SIRT4: variants seen among roughly 807,000 people sequenced by gnomAD.
The protein encoded by SIRT4 is sirtuin 4, also known as NAD-dependent protein lipoamidase sirtuin-4, mitochondrial.
A neutral mutation model predicts 26.1 loss-of-function variants in SIRT4; 23 were observed. The observed-to-expected ratio is 0.88, with a 90% CI of 0.63 to 1.25. SIRT4 has a LOEUF of 1.25. Among genes scored for constraint, SIRT4 ranks in the 50% most tolerant of loss-of-function variants. The probability of loss-of-function intolerance (pLI) is 0.00; values close to 1 mark genes in which losing one functional copy is unlikely to be tolerated. For synonymous variants in SIRT4, 155 were observed against 158.4 expected (o/e 0.98, Z 0.16); for missense variants, 361 against 405.4 (o/e 0.89, Z 0.94).
chr12:120,292,049 T>C, the SIRT4 span: 1 of 152,188 alleles, frequency 6.6e-6, no homozygotes, highest in Non-Finnish European at 1.5e-5. Flanking sequence ...AGGTTTCTTG[T>C]TGTTGGAACA....
chr12:120,305,577 T>C (rs570454225), intron 2 of SIRT4, among the ~76,000 whole-genome samples: 2 of 152,194 alleles, frequency 1.3e-5, no homozygotes, highest in South Asian at 4.1e-4. Flanking sequence ...CTAGGGTATT[T>C]ATTCACCATC....
Position 120,308,958 on chromosome 12 carries a change from T to C in SIRT4, c.498-3498T>C, listed in dbSNP as rs373362118. Among the ~76,000 whole-genome samples the C allele has an allele frequency of 2.1e-3, 322 of 152,018 alleles. 2 individuals are homozygous for C. Among genetic ancestry groups the C allele is most frequent in the Non-Finnish European group, 3.3e-3 (225 of 67,976 alleles). ...GCCGAAGCGGGTGGATAACCTGAGGTCGGGAGTCAAGACCAGCCTGACCAA... is the reference window on the plus strand; with the variant it reads ...GCCGAAGCGGGTGGATAACCTGAGGCCGGGAGTCAAGACCAGCCTGACCAA... On this transcript the variant is annotated intron_variant, in intron 2 of 3. Transcript: ENST00000202967.
the SIRT4 span, chr12:120,293,065 A>AGC: frequency 7.8e-6 from 1 of 127,672 alleles, no homozygotes; most frequent in Non-Finnish European, 1.7e-5. Context: ...ACACAAAAAA[A>AGC]GCCTCTGTTG....
intron 2 of SIRT4, among the ~76,000 whole-genome samples, chr12:120,306,345 C>T (rs1872745011): frequency 6.6e-6 from 1 of 151,350 alleles, no homozygotes; most frequent in African/African-American, 2.4e-5. Context: ...CGTGGTGGTG[C>T]ATGCCTGTAA....
chr12:120,309,144 T>TGCCCTCCAGCCTGGGC (rs1872858288), intron 2 of SIRT4, among the ~76,000 whole-genome samples: 1 of 152,100 alleles, frequency 6.6e-6, no homozygotes, highest in Non-Finnish European at 1.5e-5. Context: ...GTTGTGCCAT[T>TGCCCTCCAGCCTGGGC]GCCCTCCAGC....
At chr12:120,293,121 G>C in the SIRT4 span, 1 of 152,100 alleles carries the variant, frequency 6.6e-6, no homozygotes, top group African/African-American at 2.4e-5. Flanking sequence ...GTCAAAAATT[G>C]CCAGTGCCGA....
chr12:120,292,882 T>TA, the SIRT4 span, among the ~76,000 whole-genome samples: 1 of 152,208 alleles, frequency 6.6e-6, no homozygotes. Flanking sequence ...GCTTTTACCT[T>TA]AAAAGTAGAG....
At chr12:120,295,280 T>A in the SIRT4 span, among the ~76,000 whole-genome samples, 1 of 147,120 alleles carries the variant, frequency 6.8e-6, no homozygotes, top group Admixed American at 6.9e-5. Context: ...AAAGGCGCAA[T>A]CTCAGCTCAC....
At chr12:120,292,202 G>C in the SIRT4 span, among the ~76,000 whole-genome samples, 1 of 152,208 alleles carries the variant, frequency 6.6e-6, no homozygotes, top group African/African-American at 2.4e-5. Flanking sequence ...CAGTGGGAAA[G>C]CGAGCCTGGA....
intron 2 of SIRT4, among the ~76,000 whole-genome samples, chr12:120,310,589 G>A (rs1462996431): frequency 6.6e-6 from 1 of 151,910 alleles, no homozygotes; most frequent in Non-Finnish European, 1.5e-5. Context: ...AGAAAAATGA[G>A]GCTGGTTGTG....
the SIRT4 span, among the ~76,000 whole-genome samples, chr12:120,296,572 A>C: frequency 1.4e-5 from 2 of 147,442 alleles, no homozygotes; most frequent in African/African-American, 5.0e-5. Context: ...CAGGGGTGCA[A>C]TCACGGCTCA....
intron 2 of SIRT4, among the ~76,000 whole-genome samples, chr12:120,307,116 G>A (rs983907765): frequency 2.0e-5 from 3 of 152,136 alleles, no homozygotes; most frequent in African/African-American, 4.8e-5. Flanking sequence ...AATATTTACT[G>A]GGTGCCTAGA....
chr12:120,299,322 C>T (rs138321179), upstream of SIRT4, among the ~76,000 whole-genome samples: 1,184 of 151,638 alleles, frequency 7.8e-3, 12 homozygotes, highest in African/African-American at 0.027. Context: ...GAGACTGAGG[C>T]AGGTGGGTCA....
the SIRT4 span, chr12:120,291,902 C>T: frequency 2.0e-5 from 3 of 152,094 alleles, no homozygotes; most frequent in Admixed American, 1.3e-4. Context: ...CTGCGCAAAG[C>T]TGGAAAGGTT....
At chr12:120,306,932 CAT>C (rs1872765306) in intron 2 of SIRT4, among the ~76,000 whole-genome samples, 2 of 152,280 alleles carry the variant, frequency 1.3e-5, no homozygotes, top group South Asian at 4.1e-4. Flanking sequence ...TGGCTAGATA[CAT>C]AGACCATAAC....
intron 2 of SIRT4, among the ~76,000 whole-genome samples, chr12:120,307,293 C>T (rs1872777585): frequency 6.6e-6 from 1 of 152,114 alleles, no homozygotes; most frequent in Non-Finnish European, 1.5e-5. Flanking sequence ...AGTTTGAGAC[C>T]AGCCTGGCCA....
At chr12:120,296,230 T>G in the SIRT4 span, among the ~76,000 whole-genome samples, 12 of 151,988 alleles carry the variant, frequency 7.9e-5, no homozygotes, top group African/African-American at 2.9e-4. Context: ...GACATTTTTT[T>G]TTTTTGAGAC....
chr12:120,298,680 G>A (rs995341742), upstream of SIRT4, among the ~76,000 whole-genome samples: 1 of 151,240 alleles, frequency 6.6e-6, no homozygotes, highest in Non-Finnish European at 1.5e-5. Flanking sequence ...AGGCTGAGGC[G>A]GGCGGATCGC....
upstream of SIRT4, among the ~76,000 whole-genome samples, chr12:120,301,085 G>A (rs1195145877): frequency 6.6e-6 from 1 of 152,172 alleles, no homozygotes; most frequent in African/African-American, 2.4e-5. Flanking sequence ...AGTGGCTTAC[G>A]CCTGTAATCC....
Sources: allele counts gnomAD v4.1 joint callset (sites outside exome capture counted in the v4.1 genomes callset), GRCh38; gene constraint gnomAD v4.1.1; transcripts MANE v1.5; gene names NCBI Gene and HGNC (gene_info 2026-07-23, HGNC 2026-07-21).